The following G3BP2 variants were observed in gnomAD, a reference collection of about 807,000 sequenced individuals.
G3BP2 encodes ras GTPase-activating protein-binding protein 2.
In G3BP2, 11 loss-of-function variants were observed where a neutral mutation model predicts 56.7. That is an observed-to-expected ratio of 0.19 (90% CI 0.12 to 0.32). The LOEUF is 0.32. G3BP2 is among the 10% of genes least tolerant of loss of function. The pLI, the probability that G3BP2 is intolerant of heterozygous loss-of-function variation, is 1.00. For missense variants in G3BP2, 340 were observed against 610.9 expected (o/e 0.56, Z 4.67); for synonymous variants, 165 against 191.6 (o/e 0.86, Z 1.15).
At chr4:75,660,918 C>T (rs1364474867) in intron 2 of G3BP2, among the ~76,000 whole-genome samples, 6 of 152,040 alleles carry the variant, frequency 3.9e-5, no homozygotes, top group Non-Finnish European at 8.8e-5. Context: ...AAAAAACAAG[C>T]CTACAGATGT....
chr4:75,650,967 T>G (rs1383410869), intron 8 of G3BP2, among the ~76,000 whole-genome samples: 1 of 152,256 alleles, frequency 6.6e-6, no homozygotes, highest in African/African-American at 2.4e-5. Context: ...ATTACATTTT[T>G]AGTTCTCTGA....
intron 3 of G3BP2, among the ~76,000 whole-genome samples, chr4:75,720,006 G>A (rs1056756407): frequency 8.1e-6 from 1 of 123,992 alleles, no homozygotes; most frequent in Admixed American, 8.6e-5. Flanking sequence ...GGAGCAGGAT[G>A]GGGGGGCCCA....
At chr4:75,694,732 CTG>C (rs1444226981) in intron 3 of G3BP2, 9 of 972,916 alleles carry the variant, frequency 9.3e-6, no homozygotes, top group South Asian at 9.4e-5. Flanking sequence ...GAGCGAGACT[CTG>C]TCTCGAAAAA....
intron 3 of G3BP2, among the ~76,000 whole-genome samples, chr4:75,700,233 T>C (rs1252254022): frequency 1.3e-5 from 2 of 151,612 alleles, no homozygotes; most frequent in African/African-American, 2.4e-5. Flanking sequence ...TTTGTATTTT[T>C]AGTAGAGACG....
intron 3 of G3BP2, among the ~76,000 whole-genome samples, chr4:75,700,792 T>A (rs1719313857): frequency 6.6e-6 from 1 of 151,746 alleles, no homozygotes; most frequent in East Asian, 1.9e-4. Flanking sequence ...TTAGTATTTA[T>A]TAAGATGACC....
chr4:75,721,468 G>C (rs1282809239), intron 2 of G3BP2, among the ~76,000 whole-genome samples: 1 of 151,916 alleles, frequency 6.6e-6, no homozygotes, highest in East Asian at 1.9e-4. Flanking sequence ...ACATTGCCCA[G>C]GCTGGTGTTG....
intron 1 of G3BP2, chr4:75,672,897 C>T: frequency 1.8e-6 from 1 of 570,550 alleles, no homozygotes; most frequent in Non-Finnish European, 2.2e-6. Context: ...TGCTGCGTGC[C>T]TCCCCCCCCA....
At chr4:75,673,185 C>A in intron 1 of G3BP2, 23 bp downstream of exon 1, 1 of 1,192,770 alleles carries the variant, frequency 8.4e-7, no homozygotes, top group Non-Finnish European at 1.0e-6. Flanking sequence ...ACACCGACCT[C>A]CCCTCCCGGC....
chr4:75,675,429 C>G (rs1477902557), upstream of G3BP2, among the ~76,000 whole-genome samples: 2 of 152,148 alleles, frequency 1.3e-5, no homozygotes, highest in Non-Finnish European at 2.9e-5. Context: ...AACAGAGGCC[C>G]GAGAATTTGC....
At chr4:75,689,556 G>A (rs762078692) in intron 3 of G3BP2, among the ~76,000 whole-genome samples, 3 of 152,178 alleles carry the variant, frequency 2.0e-5, no homozygotes, top group Non-Finnish European at 4.4e-5. Flanking sequence ...TTAATGACTT[G>A]TACAACTAGC....
At position 75,653,993 on chromosome 4, in the gene G3BP2, G is replaced by C. The variant is rs1037396449; in HGVS notation, c.815C>G (p.Pro272Arg). The C allele has an allele frequency of 6.6e-7, 1 of 1,509,764 alleles. No individual in the cohort carries two copies. Among genetic ancestry groups the C allele is most frequent in the African/African-American group, 1.4e-5 (1 of 72,790 alleles). The allele number at this position is 1,509,764 out of a possible 1,614,324, so 93.5% of individuals were successfully genotyped here. ...SSGIPPHVKAPVSQPRVEAKP... is the reference protein window; with the variant it reads ...SSGIPPHVKARVSQPRVEAKP... The stretch of plus-strand genomic sequence containing the variant: ...TCACAGATTGGTTACCTGTGAGACT[G>C]GTGCTTTAACATGGGGTGGAATTCC... Residue 272 changes from proline (P) to arginine (R), a missense_variant, in exon 8 of 12, where the codon CCA (proline) becomes CGA (arginine). Transcript: ENST00000359707.
rs1272278443 is a variant in G3BP2, at chr4:75,716,785, G to A, written c.-25+4092C>T. On this transcript the variant is annotated intron_variant, in intron 3 of 3. Coordinates refer to the G3BP2 transcript ENST00000499709. ...CCGCCTTGGCCTCCCAAAGTGCTGG[G>A]ATTACAGGCGTGAGCCACTGTGCCC... is the stretch of plus-strand genomic sequence containing the variant. Among the ~76,000 whole-genome samples the A allele has an allele frequency of 2.0e-5, 3 of 151,774 alleles. No individual in the cohort carries two copies. The East Asian group carries it at 5.8e-4, about 30-fold the overall frequency.
intron 5 of G3BP2, 123 bp from the exon 6 acceptor site, chr4:75,655,993 CTTTT>C (rs373392333): frequency 2.8e-4 from 137 of 495,596 alleles, no homozygotes; most frequent in Admixed American, 3.7e-4. Flanking sequence ...ATTTTCTTTC[CTTTT>C]TTTTTTTTTT....
chr4:75,674,718 A>ATATATATATATATATATATTTTTTT (rs1241041465), upstream of G3BP2, among the ~76,000 whole-genome samples: 1 of 71,424 alleles, frequency 1.4e-5, no homozygotes, highest in African/African-American at 5.9e-5. Context: ...ATATATATAT[A>ATATATATATATATATATATTTTTTT]TTTTTTTTTT....
Position 75,701,970 on chromosome 4 carries a change from T to G in G3BP2, c.-25+18907A>C, listed in dbSNP as rs528432930. On this transcript the variant is annotated intron_variant, in intron 3 of 3. Transcript: ENST00000499709. ...GCAGAGTCTCCCAGTATAATTCAATTGTTATCAGTTCCCTCCCTGGGAGCA... is the reference window on the plus strand; with the variant it reads ...GCAGAGTCTCCCAGTATAATTCAATGGTTATCAGTTCCCTCCCTGGGAGCA... Among the ~76,000 whole-genome samples, 11 of 152,224 alleles carry G rather than the reference T, an allele frequency of 7.2e-5. No homozygotes were observed. In the East Asian group the frequency reaches 2.1e-3, roughly 29 times the overall value.
rs192928994 is a variant in G3BP2, at chr4:75,656,760, C to T, written c.442+164G>A. Among the ~76,000 whole-genome samples, 3 of 152,252 alleles carry T rather than the reference C, an allele frequency of 2.0e-5. No homozygotes were observed. The East Asian group carries it at 5.8e-4, about 29-fold the overall frequency. On this transcript the variant is annotated intron_variant, in intron 5 of 11. Transcript: ENST00000359707. ...ATTTTGTATATTTTCAAACAATGGA[C>T]ATCTTTTTGTAACAACGACAACAAC... is the stretch of plus-strand genomic sequence containing the variant.
intron 1 of G3BP2, 59 bp downstream of exon 1, chr4:75,673,149 G>A: frequency 8.8e-7 from 1 of 1,138,724 alleles, no homozygotes; most frequent in Non-Finnish European, 1.1e-6. Context: ...CGCGGAGCGC[G>A]AATGGAATGT....
In G3BP2 at chr4:75,645,650, C is replaced by T; in HGVS notation, c.1229G>A (p.Arg410Lys). The change falls in exon 12 of 12, where the codon AGA becomes AAA. Residue 410 changes from arginine to lysine, a missense_variant. Physicochemically the swap from Arg to Lys is conservative, Grantham distance 26 (BLOSUM62 2). This residue lies in a region of G3BP2 where 94 missense variants were observed against 173.8 expected (regional missense o/e 0.54). Transcript: ENST00000359707. The part of the protein sequence containing the change: ...VRLNVEEKKT[R>K]AARERETRGG... ...TCTGGTTTCTCGCTCTCTTGCAGCT[C>T]TTGTTTTTTTCTCTTCCACATTTAA... The T allele has an allele frequency of 6.2e-7, 1 of 1,613,970 alleles. No homozygotes were observed. The highest frequency in any genetic ancestry group is 2.2e-5 in the East Asian group (1 of 44,884).
chr4:75,720,034 T>TTTTTTTTTTTTTTGG (rs1577909354), intron 3 of G3BP2, among the ~76,000 whole-genome samples: 3 of 146,260 alleles, frequency 2.1e-5, no homozygotes, highest in South Asian at 2.2e-4. Flanking sequence ...TTTTTTTTTT[T>TTTTTTTTTTTTTTGG]GAGAAAGGGT....
Sources: allele counts gnomAD v4.1 joint callset (sites outside exome capture counted in the v4.1 genomes callset), GRCh38; gene constraint gnomAD v4.1.1; regional missense constraint gnomAD v4.1.1; transcripts MANE v1.5; gene names NCBI Gene and HGNC (gene_info 2026-07-23, HGNC 2026-07-21).